The following ELP4 variants were observed in gnomAD, a reference collection of about 807,000 sequenced individuals.
ELP4 encodes the protein elongator acetyltransferase complex subunit 4, also known as elongator complex protein 4.
ELP4 carries 51 observed loss-of-function variants against 48.9 expected under a neutral mutation model. The observed-to-expected ratio is 1.04, with a 90% CI of 0.83 to 1.32. ELP4 has a LOEUF of 1.32. Among genes scored for constraint, ELP4 ranks in the 40% most tolerant of loss-of-function variants. The probability of loss-of-function intolerance (pLI) is 0.00; values close to 1 mark genes in which losing one functional copy is unlikely to be tolerated. For missense variants in ELP4, 519 were observed against 514.6 expected (o/e 1.01, Z -0.08); for synonymous variants, 210 against 189.2 (o/e 1.11, Z -0.90).
chr11:31,722,497 G>A (rs1172972218), intron 9 of ELP4, among the ~76,000 whole-genome samples: 1 of 152,144 alleles, frequency 6.6e-6, no homozygotes, highest in Non-Finnish European at 1.5e-5. Context: ...CCTAGTAAAA[G>A]TTGTAAAACC....
At chr11:31,581,752 C>CTTTTTTTTTT (rs111876394) in intron 3 of ELP4, among the ~76,000 whole-genome samples, 1 of 140,166 alleles carries the variant, frequency 7.1e-6, no homozygotes, top group Non-Finnish European at 1.5e-5. Flanking sequence ...CATGTTCTGT[C>CTTTTTTTTTT]TTTTTTTTTT....
intron 9 of ELP4, among the ~76,000 whole-genome samples, chr11:31,727,175 A>G (rs1947093425): frequency 6.6e-6 from 1 of 151,902 alleles, no homozygotes; most frequent in Admixed American, 6.6e-5. Flanking sequence ...TTTAACTTTA[A>G]AGTGAACATA....
chr11:31,550,393 T>C (rs747435682), intron 3 of ELP4, among the ~76,000 whole-genome samples: 3 of 152,140 alleles, frequency 2.0e-5, no homozygotes, highest in Non-Finnish European at 4.4e-5. Context: ...TTCAAAAAGT[T>C]TGTGGAAAAA....
intron 9 of ELP4, among the ~76,000 whole-genome samples, chr11:31,748,725 CA>C (rs1947653390): frequency 6.6e-6 from 1 of 151,838 alleles, no homozygotes; most frequent in Admixed American, 6.6e-5. Context: ...GTGCAGAGGC[CA>C]GGTGCAGTGG....
intron 3 of ELP4, among the ~76,000 whole-genome samples, chr11:31,550,844 A>G (rs1272931218): frequency 6.6e-6 from 1 of 152,194 alleles, no homozygotes; most frequent in African/African-American, 2.4e-5. Flanking sequence ...CAGAAGGTCA[A>G]CAAACAAAAT....
intron 9 of ELP4, among the ~76,000 whole-genome samples, chr11:31,752,191 A>G (rs1947736084): frequency 6.6e-6 from 1 of 152,152 alleles, no homozygotes; most frequent in Non-Finnish European, 1.5e-5. Context: ...TGCTACTACT[A>G]GATAAGATTT....
intron 9 of ELP4, among the ~76,000 whole-genome samples, chr11:31,677,531 G>C (rs887659391): frequency 6.6e-6 from 1 of 151,980 alleles, no homozygotes; most frequent in African/African-American, 2.4e-5. Context: ...TAAGACCTCT[G>C]CTTTATATTA....
chr11:31,663,063 A>G lies in ELP4; in HGVS notation c.1143+12842A>G, dbSNP rs1945597420. 3 of 152,298 alleles carry G rather than the reference A, an allele frequency of 2.0e-5. No individual in the cohort carries two copies. The South Asian group carries it at 6.2e-4, about 31-fold the overall frequency. The allele number at this position is 152,298 out of a possible 1,614,324, so 9.4% of individuals were successfully genotyped here. A position where few individuals can be genotyped will look rare whatever the true frequency, so the allele number is the denominator to read the frequency against. ...CCACAGATAAATTGCTATTTTCTAT[A>G]CAATGTTACCAGATCGATAATAAAT... is the stretch of plus-strand genomic sequence containing the variant. On this transcript the variant is annotated intron_variant, in intron 9 of 9. Transcript: ENST00000640961.
intron 9 of ELP4, among the ~76,000 whole-genome samples, chr11:31,770,158 T>C (rs889912421): frequency 4.6e-5 from 7 of 152,138 alleles, no homozygotes. Flanking sequence ...ACTCTGGAGC[T>C]TATATGCTCC....
chr11:31,681,304 G>T (rs1341623828), intron 9 of ELP4, among the ~76,000 whole-genome samples: 1 of 152,070 alleles, frequency 6.6e-6, no homozygotes, highest in Non-Finnish European at 1.5e-5. Context: ...GCAAAAACAG[G>T]GTTTGATTTG....
chr11:31,771,987 A>G (rs1462891356), intron 9 of ELP4, among the ~76,000 whole-genome samples: 3 of 152,104 alleles, frequency 2.0e-5, no homozygotes, highest in Non-Finnish European at 2.9e-5. Flanking sequence ...GTCTCTAAAA[A>G]AAAAAATTAG....
At chr11:31,511,779 A>G (rs974764554) in intron 1 of ELP4, 7 of 152,150 alleles carry the variant, frequency 4.6e-5, no homozygotes, top group African/African-American at 1.7e-4. Context: ...AACCCAAAGC[A>G]CCTTCTATAC....
chr11:31,706,917 T>C (rs1168404656), intron 9 of ELP4: 1 of 397,914 alleles, frequency 2.5e-6, no homozygotes, highest in Non-Finnish European at 4.4e-6. Flanking sequence ...AGGATTACAT[T>C]CTTTTTTATT....
chr11:31,773,500 G>A (rs1461209067), intron 9 of ELP4, among the ~76,000 whole-genome samples: 10 of 152,088 alleles, frequency 6.6e-5, no homozygotes. Flanking sequence ...GCACTCTTGG[G>A]GTTAGTAAAT....
chr11:31,576,882 C>T (rs1346352158), intron 3 of ELP4, among the ~76,000 whole-genome samples: 1 of 152,046 alleles, frequency 6.6e-6, no homozygotes, highest in African/African-American at 2.4e-5. Context: ...ATTAAAAGAA[C>T]TAGAGAACCA....
intron 9 of ELP4, chr11:31,689,106 A>G (rs1216084916): frequency 1.3e-5 from 2 of 152,180 alleles, no homozygotes; most frequent in Admixed American, 6.5e-5. Flanking sequence ...ATGATTAATT[A>G]TTAATTAGTA....
intron 9 of ELP4, among the ~76,000 whole-genome samples, chr11:31,699,590 G>A (rs1191410851): frequency 6.6e-6 from 1 of 152,150 alleles, no homozygotes; most frequent in Non-Finnish European, 1.5e-5. Flanking sequence ...AGTTTTCAAT[G>A]GAGACTGAGG....
intron 9 of ELP4, among the ~76,000 whole-genome samples, chr11:31,761,055 CA>C: frequency 6.6e-6 from 1 of 152,056 alleles, no homozygotes; most frequent in East Asian, 1.9e-4. Flanking sequence ...TCGGCTTTTT[CA>C]GAAATTTTAT....
At chr11:31,705,498 A>T (rs1420120166) in intron 9 of ELP4, among the ~76,000 whole-genome samples, 1 of 152,224 alleles carries the variant, frequency 6.6e-6, no homozygotes, top group African/African-American at 2.4e-5. Context: ...GGAACTTTGG[A>T]TTGCGACAAA....
Sources: gnomAD v4.1 joint callset for allele counts (sites outside exome capture counted in the v4.1 genomes callset) on GRCh38, gnomAD v4.1.1 for gene constraint, MANE v1.5 for transcripts, NCBI Gene and HGNC (gene_info 2026-07-23, HGNC 2026-07-21) for gene names.